PTPRK: variants seen among roughly 807,000 people sequenced by gnomAD.
PTPRK encodes the protein protein tyrosine phosphatase receptor type K, also known as receptor-type tyrosine-protein phosphatase kappa.
PTPRK carries 75 observed loss-of-function variants against 178.0 expected under a neutral mutation model. That is an observed-to-expected ratio of 0.42 (90% CI 0.35 to 0.51). The LOEUF is 0.51. Among genes scored for constraint, PTPRK ranks in the 20% least tolerant of loss-of-function variants. PTPRK has a pLI of 0.02. For missense variants in PTPRK, 1,441 were observed against 1,797.8 expected, an observed-to-expected ratio of 0.80 and a Z score of 3.59; for synonymous variants, 637 against 620.6, an observed-to-expected ratio of 1.03 and a Z score of -0.39.
At chr6:127,981,676 C>T (rs1348979980) in intron 24 of PTPRK, among the ~76,000 whole-genome samples, 2 of 152,104 alleles carry the variant, frequency 1.3e-5, no homozygotes, top group African/African-American at 4.8e-5. Flanking sequence ...TAAGCTATGG[C>T]ATGTTGGAAA....
intron 2 of PTPRK, among the ~76,000 whole-genome samples, chr6:128,346,647 T>C (rs1832471361): frequency 6.6e-6 from 1 of 152,130 alleles, no homozygotes; most frequent in East Asian, 1.9e-4. Context: ...TTCCCTTCAA[T>C]ACAAATGGAG....
At chr6:128,173,178 C>T (rs1800560064) in intron 7 of PTPRK, among the ~76,000 whole-genome samples, 1 of 152,016 alleles carries the variant, frequency 6.6e-6, no homozygotes, top group Non-Finnish European at 1.5e-5. Context: ...AATGCAGCTA[C>T]AGAAATCACA....
At chr6:128,250,099 A>C (rs1816218259) in intron 3 of PTPRK, among the ~76,000 whole-genome samples, 1 of 152,292 alleles carries the variant, frequency 6.6e-6, no homozygotes, top group Middle Eastern at 3.4e-3. Flanking sequence ...CAAGGCACAT[A>C]AGAAGTGCCT....
chr6:128,072,869 G>A (rs887791952), intron 11 of PTPRK, among the ~76,000 whole-genome samples: 2 of 151,988 alleles, frequency 1.3e-5, no homozygotes, highest in African/African-American at 4.8e-5. Context: ...TCACAGGGAT[G>A]CATGTTTAAT....
rs769542308 is a variant in PTPRK at position 127,970,253 on chromosome 6, C to G, written c.4297G>C (p.Ala1433Pro). Residue 1433 changes from alanine (A) to proline (P), a missense_variant, in exon 30 of 30, where the codon GCT (alanine) becomes CCT (proline). Physicochemically the swap from Ala to Pro is conservative, Grantham distance 27. Around this residue, in one of 4 missense-constraint regions of PTPRK, gnomAD observed 335 missense variants for 512.4 expected, o/e 0.65. Transcript: ENST00000368226. The part of the protein sequence containing the change: ...PEQYRFCYDV[A>P]LEYLESS ...TAAGATGATTCCAGGTACTCCAAAG[C>G]TACATCATAGCAGAAACGGTATTGC... 1 of 1,610,860 alleles carries G rather than the reference C, an allele frequency of 6.2e-7. No individual in the cohort carries two copies. The highest frequency in any genetic ancestry group is 1.7e-5 in the Admixed American group (1 of 59,654).
intron 2 of PTPRK, among the ~76,000 whole-genome samples, chr6:128,353,260 G>A (rs1193319787): frequency 6.6e-6 from 1 of 152,158 alleles, no homozygotes; most frequent in Non-Finnish European, 1.5e-5. Flanking sequence ...ATACATTGCT[G>A]ATGGGAATGT....
chr6:128,063,724 A>G (rs918806908), intron 13 of PTPRK, among the ~76,000 whole-genome samples: 1 of 152,206 alleles, frequency 6.6e-6, no homozygotes, highest in African/African-American at 2.4e-5. Flanking sequence ...TGAATTGAAA[A>G]AGTATATTTT....
chr6:128,382,842 A>G (rs1275781763), intron 2 of PTPRK, among the ~76,000 whole-genome samples: 1 of 152,218 alleles, frequency 6.6e-6, no homozygotes, highest in Non-Finnish European at 1.5e-5. Flanking sequence ...ACATAGATGT[A>G]GAGCATTTGA....
chr6:128,159,476 C>T (rs1425751032), intron 7 of PTPRK, among the ~76,000 whole-genome samples: 1 of 151,766 alleles, frequency 6.6e-6, no homozygotes, highest in Non-Finnish European at 1.5e-5. Flanking sequence ...CATGATAAAG[C>T]TGAATATGTT....
At chr6:128,244,466 G>A (rs1416977589) in intron 3 of PTPRK, among the ~76,000 whole-genome samples, 3 of 152,108 alleles carry the variant, frequency 2.0e-5, no homozygotes, top group East Asian at 3.8e-4. Context: ...AACATCGAAT[G>A]GTTAAGAAAG....
At chr6:128,182,601 A>C (rs1024865008) in intron 7 of PTPRK, among the ~76,000 whole-genome samples, 2 of 152,154 alleles carry the variant, frequency 1.3e-5, no homozygotes, top group Non-Finnish European at 2.9e-5. Context: ...AACTATCCTC[A>C]TTCCCTCTCA....
intron 2 of PTPRK, among the ~76,000 whole-genome samples, chr6:128,395,214 A>G (rs1329487336): frequency 1.3e-5 from 2 of 152,188 alleles, no homozygotes; most frequent in African/African-American, 2.4e-5. Context: ...AGATGACTAA[A>G]AGAATAACAT....
intron 3 of PTPRK, among the ~76,000 whole-genome samples, chr6:128,280,550 C>CA (rs1344842560): frequency 3.3e-5 from 5 of 152,014 alleles, no homozygotes; most frequent in Admixed American, 6.6e-5. Flanking sequence ...TTTCTGTGTT[C>CA]AAAAGGCACC....
In PTPRK at chr6:128,083,804, TTACTGG is replaced by T. The variant is rs1335761019; in HGVS notation, c.1480_1485del (p.Pro494_Val495del). 1.9e-6 allele frequency: 3 copies of T among 1,602,496 alleles called. No homozygotes were observed. The highest frequency in any genetic ancestry group is 2.6e-6 in the Non-Finnish European group (3 of 1,173,508). ...TCAAAGGATGTTCCTTGAAGAGATT[TTACTGG>T]TACGGGACCAGGCACTACAAAACAC... On this transcript the variant is annotated inframe_deletion, in exon 9 of 30. Coordinates refer to ENST00000368226, the MANE Select transcript of PTPRK (RefSeq NM_002844.4).
rs139525162 is a variant in PTPRK, at chr6:128,131,830, A to C, written c.1163-41838T>G. 4.0e-3 allele frequency among the ~76,000 whole-genome samples: 604 copies of C among 152,314 alleles called. 5 individuals are homozygous for C. The highest frequency in any genetic ancestry group is 0.013 in the African/African-American group (559 of 41,576). On this transcript the variant is annotated intron_variant, in intron 7 of 29. Transcript: ENST00000368226. ...AATTAGAGCCAATGAATGCTGTGAT[A>C]ATGTCTTGTAACATAAATTGAAAGT...
At chr6:128,455,047 C>T (rs1848228429) in intron 1 of PTPRK, among the ~76,000 whole-genome samples, 1 of 152,020 alleles carries the variant, frequency 6.6e-6, no homozygotes, top group South Asian at 2.1e-4. Flanking sequence ...CAATTAATAG[C>T]ATATAAAACA....
intron 7 of PTPRK, among the ~76,000 whole-genome samples, chr6:128,111,079 TTGAGAAAGCAAG>T (rs1790578122): frequency 6.6e-6 from 1 of 152,180 alleles, no homozygotes; most frequent in Non-Finnish European, 1.5e-5. Context: ...TTCTATATTT[TTGAGAAAGCAAG>T]TGATGTCCTA....
At chr6:128,305,938 T>C (rs773111140) in intron 3 of PTPRK, among the ~76,000 whole-genome samples, 15 of 152,194 alleles carry the variant, frequency 9.9e-5, no homozygotes, top group African/African-American at 2.9e-4. Flanking sequence ...TGAGACTGGG[T>C]AATTTACAAT....
intron 7 of PTPRK, among the ~76,000 whole-genome samples, chr6:128,117,568 A>G (rs1208578612): frequency 6.6e-6 from 1 of 152,176 alleles, no homozygotes; most frequent in Non-Finnish European, 1.5e-5. Context: ...TGTATTTTTT[A>G]GTCTCCAGCT....
Sources: gnomAD v4.1 joint callset for allele counts (sites outside exome capture counted in the v4.1 genomes callset) on GRCh38, gnomAD v4.1.1 for gene constraint, gnomAD v4.1.1 regional missense constraint, MANE v1.5 for transcripts, NCBI Gene and HGNC (gene_info 2026-07-23, HGNC 2026-07-21) for gene names.